MGRN1: variants seen among roughly 807,000 people sequenced by gnomAD.
MGRN1 encodes E3 ubiquitin-protein ligase MGRN1.
A neutral mutation model predicts 69.2 loss-of-function variants in MGRN1; 29 were observed. That is an observed-to-expected ratio of 0.42 (90% CI 0.31 to 0.57). MGRN1 has a LOEUF of 0.57. Among genes scored for constraint, MGRN1 ranks in the 20% least tolerant of loss-of-function variants. The probability of loss-of-function intolerance (pLI) is 0.15; values close to 1 mark genes in which losing one functional copy is unlikely to be tolerated. For synonymous variants in MGRN1, 470 were observed against 344.2 expected (o/e 1.37, Z -4.04); for missense variants, 998 against 796.2 (o/e 1.25, Z -3.05).
chr16:4,661,338 G>A (rs947306077), intron 5 of MGRN1, among the ~76,000 whole-genome samples: 3 of 152,296 alleles, frequency 2.0e-5, no homozygotes, highest in Admixed American at 6.5e-5. Context: ...GCCCAGGATT[G>A]GCCGCCTTGG....
At chr16:4,676,089 C>T (rs867144277) in intron 10 of MGRN1, among the ~76,000 whole-genome samples, 2 of 152,202 alleles carry the variant, frequency 1.3e-5, no homozygotes, top group Admixed American at 6.5e-5. Flanking sequence ...TGGGGCTGTG[C>T]GAGGATGCTG....
At chr16:4,673,772 T>A in intron 10 of MGRN1, 115 bp downstream of exon 10, 1 of 1,327,472 alleles carries the variant, frequency 7.5e-7, no homozygotes, top group Non-Finnish European at 1.0e-6. Flanking sequence ...AAAGAAGAGT[T>A]GTCATTCATC....
At chr16:4,632,181 T>A (rs924030090) in intron 1 of MGRN1, among the ~76,000 whole-genome samples, 1 of 94,950 alleles carries the variant, frequency 1.1e-5, no homozygotes, top group African/African-American at 4.3e-5. Context: ...CACGCCCAGC[T>A]AATTTTTGTA....
intron 10 of MGRN1, chr16:4,677,205 GTC>G: frequency 8.0e-6 from 3 of 375,056 alleles, no homozygotes; most frequent in Non-Finnish European, 9.6e-6. Flanking sequence ...CGGGAGTTCT[GTC>G]TCTCGTCTTT....
At chr16:4,636,359 G>C (rs1263174980) in intron 1 of MGRN1, among the ~76,000 whole-genome samples, 2 of 152,168 alleles carry the variant, frequency 1.3e-5, no homozygotes, top group East Asian at 3.9e-4. Flanking sequence ...GATGAGATGG[G>C]ATGCAATGGC....
At chr16:4,631,891 T>C (rs940103551) in intron 1 of MGRN1, among the ~76,000 whole-genome samples, 24 of 96,318 alleles carry the variant, frequency 2.5e-4, no homozygotes, top group African/African-American at 8.2e-4. Context: ...AATTTTGATA[T>C]TTAGCTTCTC....
rs2078855916 is a variant in MGRN1 at position 4,668,448 on chromosome 16, CAT to C, written c.726+137_726+138del. 1.2e-5 allele frequency: 10 copies of C among 855,288 alleles called. No individual in the cohort carries two copies. In the South Asian group the frequency reaches 1.7e-4, roughly 14 times the overall value. 53.0% of individuals were successfully genotyped at this position (855,288 alleles called of 1,614,324 possible). A position where few individuals can be genotyped will look rare whatever the true frequency, so the allele number is the denominator to read the frequency against. On this transcript the variant is annotated intron_variant, in intron 8 of 16. Transcript: ENST00000262370. ...ATACACGCTCATACACACTCATACA[CAT>C]TCACTTGCACATATATACGGACACA...
At chr16:4,675,568 A>C (rs1009518430) in intron 10 of MGRN1, among the ~76,000 whole-genome samples, 1 of 152,070 alleles carries the variant, frequency 6.6e-6, no homozygotes, top group East Asian at 1.9e-4. Flanking sequence ...GCGAAACCCC[A>C]TCTGTACAAA....
intron 5 of MGRN1, chr16:4,664,333 C>A: frequency 3.3e-6 from 1 of 307,444 alleles, no homozygotes; most frequent in Non-Finnish European, 6.2e-6. Context: ...ACAGGAAGCA[C>A]ATGGTGGCTG....
rs1163696798 is a variant in MGRN1 at position 4,676,194 on chromosome 16, C to T, written c.956-1269C>T. 1.3e-5 allele frequency among the ~76,000 whole-genome samples: 2 copies of T among 152,218 alleles called. 1 individual carries two copies. The highest frequency in any genetic ancestry group is 4.8e-5 in the African/African-American group (2 of 41,452). ...GGCCTGGAGGGAGAGGCCGGCCGCC[C>T]AGCCTGTGGCAGATCCTGTAGCAGG... is the stretch of plus-strand genomic sequence containing the variant. On this transcript the variant is annotated intron_variant, in intron 10 of 16. Transcript: ENST00000262370.
At position 4,657,276 on chromosome 16, in the gene MGRN1, C is replaced by T. The variant is rs760676823; in HGVS notation, c.474C>T (p.Ser158=). Residue 158 remains serine, a synonymous_variant, in exon 5 of 17, where the codon TCC becomes TCT. Transcript: ENST00000262370. ...VYSPKSPSLQ[S]ETVHYKRGVS... Reference sequence around the variant, plus strand: ...GCCCCAAGAGCCCCTCGCTACAGTCCGAGACCGTCCACTACAAGAGAGGGG... The same window carrying T: ...GCCCCAAGAGCCCCTCGCTACAGTCTGAGACCGTCCACTACAAGAGAGGGG... 16 of 1,614,156 alleles carry T rather than the reference C, an allele frequency of 9.9e-6. No individual in the cohort carries two copies. Among genetic ancestry groups the T allele is most frequent in the African/African-American group, 1.3e-5 (1 of 75,062 alleles).
At chr16:4,656,099 C>G (rs1032101123) in intron 4 of MGRN1, among the ~76,000 whole-genome samples, 4 of 152,230 alleles carry the variant, frequency 2.6e-5, no homozygotes, top group Admixed American at 2.6e-4. Flanking sequence ...GCCCTGGCCA[C>G]AGGCAAGCAG....
intron 1 of MGRN1, among the ~76,000 whole-genome samples, chr16:4,644,510 A>G (rs1056175897): frequency 6.6e-6 from 1 of 151,786 alleles, no homozygotes; most frequent in Non-Finnish European, 1.5e-5. Flanking sequence ...GGGTTTCTCC[A>G]TTATGGTCAG....
chr16:4,658,459 C>G (rs1299201530), intron 5 of MGRN1, among the ~76,000 whole-genome samples: 1 of 151,818 alleles, frequency 6.6e-6, no homozygotes. Flanking sequence ...TATCATGAAT[C>G]CAGGAGGTGG....
At position 4,686,324 on chromosome 16, in the gene MGRN1, G is replaced by A. The variant is rs558539649; in HGVS notation, c.1618+2392G>A. ...AGCCGGTACGTGACCTCCCAGACGC[G>A]CTTCGGGGGCTCTGACGCGCGTCCT... On this transcript the variant is annotated intron_variant, in intron 16 of 16. Transcript: ENST00000262370. 3.4e-5 allele frequency: 53 copies of A among 1,541,868 alleles called. 1 individual carries two copies. The highest frequency in any genetic ancestry group is 1.7e-4 in the Middle Eastern group (1 of 5,978).
intron 1 of MGRN1, among the ~76,000 whole-genome samples, chr16:4,642,126 T>TC (rs2078172986): frequency 2.2e-5 from 2 of 91,998 alleles, no homozygotes; most frequent in African/African-American, 4.6e-5. Context: ...ATGACTTGGT[T>TC]CCTTTTTTTT....
At chr16:4,686,244 C>T (rs1468841241) in intron 16 of MGRN1, 17 of 1,542,076 alleles carry the variant, frequency 1.1e-5, no homozygotes, top group Non-Finnish European at 1.5e-5. Flanking sequence ...TCTGTCTCTC[C>T]CCCTCTCCGC....
chr16:4,638,920 A>C (rs79942230), intron 1 of MGRN1, among the ~76,000 whole-genome samples: 55 of 152,202 alleles, frequency 3.6e-4, no homozygotes, highest in African/African-American at 1.3e-3. Context: ...TGTGTTTCTT[A>C]GGAGGCAGAC....
chr16:4,634,172 C>T (rs906135549), intron 1 of MGRN1, among the ~76,000 whole-genome samples: 1 of 152,186 alleles, frequency 6.6e-6, no homozygotes, highest in Admixed American at 6.5e-5. Context: ...CTCAATGGGG[C>T]CCCAGGTTTC....
Sources: gnomAD v4.1 joint callset for allele counts (sites outside exome capture counted in the v4.1 genomes callset) on GRCh38, gnomAD v4.1.1 for gene constraint, MANE v1.5 for transcripts, NCBI Gene and HGNC (gene_info 2026-07-23, HGNC 2026-07-21) for gene names.